AQP4: variants seen among roughly 807,000 people sequenced by gnomAD.
AQP4 encodes aquaporin 4.
In AQP4, 18 loss-of-function variants were observed where a neutral mutation model predicts 27.8. The ratio of observed to expected loss-of-function variants is 0.65; its 90% CI spans 0.45 to 0.96. The LOEUF is 0.96. Among genes scored for constraint, AQP4 ranks in the 40% least tolerant of loss-of-function variants. The pLI is 0.00. For missense variants in AQP4, 412 were observed against 408.2 expected (o/e 1.01, Z -0.08); for synonymous variants, 141 against 142.9 (o/e 0.99, Z 0.10).
rs2054784240 is a variant in AQP4 at position 26,853,329 on chromosome 18, G to C, written c.*2882C>G. 6.4e-6 allele frequency: 1 copy of C among 155,104 alleles called. No individual in the cohort carries two copies. Among genetic ancestry groups the C allele is most frequent in the African/African-American group, 2.4e-5 (1 of 41,578 alleles). The allele number at this position is 155,104 out of a possible 1,614,324, so 9.6% of individuals were successfully genotyped here. A position where few individuals can be genotyped will look rare whatever the true frequency, so the allele number is the denominator to read the frequency against. On this transcript the variant is annotated 3_prime_UTR_variant, in exon 5 of 5. Coordinates refer to ENST00000383168, the MANE Select transcript of AQP4 (RefSeq NM_001650.7). ...ATTTCCTTCCAGTACAAAAGGTTAA[G>C]GCTCTTTGAAGAAAATGTTATCTTC...
In AQP4 at chr18:26,856,830, A is replaced by T. The variant is rs186991589; in HGVS notation, c.694-341T>A. On this transcript the variant is annotated intron_variant, in intron 4 of 4. Transcript: ENST00000383168. ...GCACTAAGAATTCTTTAACTAAAAT[A>T]AAAAAAAAATTTCTGGAGAGTCCTT... 1.2e-3 allele frequency among the ~76,000 whole-genome samples: 177 copies of T among 150,898 alleles called. 1 individual carries two copies. The highest frequency in any genetic ancestry group is 3.9e-3 in the African/African-American group (161 of 41,162).
At chr18:26,862,085 C>G in intron 2 of AQP4, 97 bp downstream of exon 2, 1 of 1,381,796 alleles carries the variant, frequency 7.2e-7, no homozygotes, top group Non-Finnish European at 1.0e-6. Flanking sequence ...AGTAAATTAG[C>G]TATTTTAGGG....
Position 26,852,765 on chromosome 18 carries a change from A to G in AQP4, c.*3446T>C. The stretch of plus-strand genomic sequence containing the variant: ...AGGAAAGACAGAATTACTTTTAGGT[A>G]TAAAATGTTCTGAATTTGCAAATTC... On this transcript the variant is annotated 3_prime_UTR_variant, in exon 5 of 5. Coordinates refer to ENST00000383168, the MANE Select transcript of AQP4 (RefSeq NM_001650.7). 1 of 398,464 alleles carries G rather than the reference A, an allele frequency of 2.5e-6. No individual in the cohort carries two copies. Among genetic ancestry groups the G allele is most frequent in the Non-Finnish European group, 4.4e-6 (1 of 225,926 alleles). The allele number at this position is 398,464 out of a possible 1,614,324, so 24.7% of individuals were successfully genotyped here.
rs766445261 is a variant in AQP4, at chr18:26,862,238, C to G, written c.391G>C (p.Gly131Arg). The stretch of plus-strand genomic sequence containing the variant: ...GGAGGTGTGACCAGATAGAGGATTC[C>G]TGCTCCAATGATGGCCCCCAGGCAC... Reference protein sequence around the residue: ...AQCLGAIIGAGILYLVTPPSV... With the variant: ...AQCLGAIIGARILYLVTPPSV... The change falls in exon 2 of 5, where the codon GGA becomes CGA. Residue 131 changes from glycine (G) to arginine (R), a missense_variant. Transcript: ENST00000383168. 6.2e-7 allele frequency: 1 copy of G among 1,614,142 alleles called. No individual in the cohort carries two copies. The highest frequency in any genetic ancestry group is 1.7e-5 in the Admixed American group (1 of 60,020).
chr18:26,854,756 T>C lies in AQP4; in HGVS notation c.*1455A>G, dbSNP rs1438051036. ...TTGCAGTGATAGGTTTCTGCTTTACTTCTAATAGCTTTTGTTTAGTGAAAT... is the reference window on the plus strand; with the variant it reads ...TTGCAGTGATAGGTTTCTGCTTTACCTCTAATAGCTTTTGTTTAGTGAAAT... On this transcript the variant is annotated 3_prime_UTR_variant, in exon 5 of 5. Coordinates refer to ENST00000383168, the MANE Select transcript of AQP4 (RefSeq NM_001650.7). 4 of 152,632 alleles carry C rather than the reference T, an allele frequency of 2.6e-5. No individual in the cohort carries two copies. The highest frequency in any genetic ancestry group is 5.9e-5 in the Non-Finnish European group (4 of 68,034). 9.5% of individuals were successfully genotyped at this position (152,632 alleles called of 1,614,324 possible).
chr18:26,862,769 T>G, intron 1 of AQP4, 173 bp from the exon 2 acceptor site: 2 of 774,702 alleles, frequency 2.6e-6, no homozygotes, highest in South Asian at 1.6e-5. Flanking sequence ...GTCAAGAGAC[T>G]GTTATTCTAG....
rs1488321012 is a variant in AQP4, at chr18:26,854,281, CAT to C, written c.*1928_*1929del. ...TTAACCGAACTTATTTTTAAACTGA[CAT>C]GTTTGCTGACGGTTGATATTACCTT... On this transcript the variant is annotated 3_prime_UTR_variant, in exon 5 of 5. Coordinates refer to ENST00000383168, the MANE Select transcript of AQP4 (RefSeq NM_001650.7). The C allele has an allele frequency of 6.6e-6, 1 of 152,224 alleles. No homozygotes were observed. The highest frequency in any genetic ancestry group is 1.5e-5 in the Non-Finnish European group (1 of 68,034). The allele number at this position is 152,224 out of a possible 1,614,324, so 9.4% of individuals were successfully genotyped here. A position where few individuals can be genotyped will look rare whatever the true frequency, so the allele number is the denominator to read the frequency against.
chr18:26,861,733 T>C (rs1264543456), intron 2 of AQP4, among the ~76,000 whole-genome samples: 1 of 152,212 alleles, frequency 6.6e-6, no homozygotes, highest in Non-Finnish European at 1.5e-5. Context: ...GAGTTAACAA[T>C]TGATACTCCT....
At position 26,862,595 on chromosome 18, in the gene AQP4, T is replaced by C. The variant is rs2054974706; in HGVS notation, c.34A>G (p.Lys12Glu). ...TCTCTGGTACACAAAGGTCCACACT[T>C]ACTGAAAAGAGAAACAAATCAGCAT... ...SDRPTARRWG[K>E]CGPLCTRENI... The change falls in exon 2 of 5, where the codon AAG (lysine) becomes GAG (glutamate). Residue 12 changes from lysine to glutamate, a missense_variant and splice_region_variant. Coordinates refer to ENST00000383168, the MANE Select transcript of AQP4 (RefSeq NM_001650.7). 1 of 1,613,902 alleles carries C rather than the reference T, an allele frequency of 6.2e-7. No homozygotes were observed. The highest frequency in any genetic ancestry group is 8.5e-7 in the Non-Finnish European group (1 of 1,180,020).
intron 4 of AQP4, among the ~76,000 whole-genome samples, chr18:26,858,576 T>C (rs11661256): frequency 2.0e-5 from 3 of 152,162 alleles, no homozygotes; most frequent in African/African-American, 7.2e-5. Context: ...TGAGCCTTTA[T>C]CTTCTCTATG....
intron 2 of AQP4, among the ~76,000 whole-genome samples, chr18:26,861,812 G>A (rs1568068957): frequency 6.6e-6 from 1 of 151,810 alleles, no homozygotes; most frequent in Non-Finnish European, 1.5e-5. Flanking sequence ...GTAGATCATT[G>A]TACATCTTAT....
At chr18:26,864,608 A>T (rs2055023280) in intron 1 of AQP4, among the ~76,000 whole-genome samples, 1 of 152,232 alleles carries the variant, frequency 6.6e-6, no homozygotes, top group Non-Finnish European at 1.5e-5. Flanking sequence ...CGGTAAACTC[A>T]GAAAAGTCAC....
At chr18:26,860,310 G>T (rs185761024) in intron 4 of AQP4, among the ~76,000 whole-genome samples, 23 of 152,152 alleles carry the variant, frequency 1.5e-4, no homozygotes, top group Admixed American at 1.3e-4. Flanking sequence ...AACAAAAAAA[G>T]GGTAAATATC....
chr18:26,865,270 A>C (rs983636746), intron 1 of AQP4: 2 of 338,714 alleles, frequency 5.9e-6, no homozygotes, highest in African/African-American at 4.2e-5. Context: ...TTGCCCCAGA[A>C]CAAAGCGGGT....
chr18:26,862,616 A>G lies in AQP4; in HGVS notation c.33-20T>C, dbSNP rs72557967. On this transcript the variant is annotated intron_variant, in intron 1 of 4. Coordinates refer to ENST00000383168, the MANE Select transcript of AQP4 (RefSeq NM_001650.7). ...CACTTACTGAAAAGAGAAACAAATC[A>G]GCATCAGAAGCCACTACACCCAGGT... 1.2e-6 allele frequency: 2 copies of G among 1,613,840 alleles called. No homozygotes were observed. Among genetic ancestry groups the G allele is most frequent in the Non-Finnish European group, 1.7e-6 (2 of 1,180,028 alleles).
Position 26,856,345 on chromosome 18 carries a change from C to T in AQP4, c.838G>A (p.Val280Met). 1 of 1,614,212 alleles carries T rather than the reference C, an allele frequency of 6.2e-7. No individual in the cohort carries two copies. Among genetic ancestry groups the T allele is most frequent in the Non-Finnish European group, 8.5e-7 (1 of 1,180,036 alleles). ...TCTACCTGACTCCTGTTGTCCTCCA[C>T]CTCCATGTAGCTTCCTTTTGTTTGC... ...AQQTKGSYME[V>M]EDNRSQVETD... The change falls in exon 5 of 5, where the codon GTG becomes ATG. Residue 280 changes from valine (V) to methionine (M), a missense_variant. Val to Met is a conservative substitution (Grantham distance 21). Coordinates refer to ENST00000383168, the MANE Select transcript of AQP4 (RefSeq NM_001650.7).
chr18:26,865,749 A>C (rs1177049740), upstream of AQP4: 1 of 1,604,276 alleles, frequency 6.2e-7, no homozygotes, highest in South Asian at 1.1e-5. Flanking sequence ...GTGTGCTGGG[A>C]GTCAGATTAC....
chr18:26,865,460 TA>T, intron 1 of AQP4, 197 bp downstream of exon 1: 1 of 710,614 alleles, frequency 1.4e-6, no homozygotes, highest in Non-Finnish European at 2.5e-6. Flanking sequence ...AGGATTTGGC[TA>T]AAAAGCATCC....
chr18:26,859,193 A>G (rs1431562141), intron 4 of AQP4, among the ~76,000 whole-genome samples: 2 of 152,228 alleles, frequency 1.3e-5, no homozygotes, highest in Non-Finnish European at 2.9e-5. Flanking sequence ...AATAGTTTCA[A>G]TTTAATATGT....
Sources: gnomAD v4.1 joint callset for allele counts (sites outside exome capture counted in the v4.1 genomes callset) on GRCh38, gnomAD v4.1.1 for gene constraint, MANE v1.5 for transcripts, NCBI Gene and HGNC (gene_info 2026-07-23, HGNC 2026-07-21) for gene names.